The following DCAF4L1 variants were observed in gnomAD, a reference collection of about 807,000 sequenced individuals.
The protein encoded by DCAF4L1 is DDB1 and CUL4 associated factor 4 like 1.
DCAF4L1 carries 4 observed loss-of-function variants against 28.2 expected under a neutral mutation model. That is an observed-to-expected ratio of 0.14 (90% CI 0.07 to 0.33). The LOEUF (loss-of-function observed/expected upper bound fraction) is 0.33, where lower values mean the gene tolerates loss of function less well. Among genes scored for constraint, DCAF4L1 ranks in the 10% least tolerant of loss-of-function variants. The pLI, the probability that DCAF4L1 is intolerant of heterozygous loss-of-function variation, is 1.00. For missense variants in DCAF4L1, 331 were observed against 506.1 expected, an observed-to-expected ratio of 0.65 and a Z score of 3.32; for synonymous variants, 252 against 212.1, an observed-to-expected ratio of 1.19 and a Z score of -1.63.
rs771870555 is a variant in DCAF4L1, at chr4:41,982,227, C to T, written c.435C>T (p.Cys145=). ...AGTTGGACTCTCACGTTCTGCTGTGCTTCGAGGGAATCACAGATGCTCCAA... is the reference window on the plus strand; with the variant it reads ...AGTTGGACTCTCACGTTCTGCTGTGTTTCGAGGGAATCACAGATGCTCCAA... The part of the protein sequence containing the change: ...LNQLDSHVLL[C]FEGITDAPSC... The change falls in exon 1 of 1, where the codon TGC becomes TGT. Residue 145 remains cysteine, a synonymous_variant. Transcript: ENST00000333141. This position sits in a 1 kb window ranked among gnomAD's most constrained non-coding sequence, Gnocchi z 4.4. 1.2e-6 allele frequency: 2 copies of T among 1,614,254 alleles called. No individual in the cohort carries two copies. Among genetic ancestry groups the T allele is most frequent in the Non-Finnish European group, 8.5e-7 (1 of 1,180,048 alleles).
chr4:41,982,671 G>C lies in DCAF4L1; in HGVS notation c.879G>C (p.Lys293Asn). ...QCLMASDMTGKIKLWDLRATK... is the reference protein window; with the variant it reads ...QCLMASDMTGNIKLWDLRATK... ...TGATGGCATCAGACATGACTGGAAA[G>C]ATCAAGCTGTGGGATCTGAGGGCCA... The change falls in exon 1 of 1, where the codon AAG becomes AAC. Residue 293 changes from lysine (K) to asparagine (N), a missense_variant. Transcript: ENST00000333141. The surrounding 1 kb of genome is among the most constrained non-coding windows in gnomAD (Gnocchi z 4.4). 6.2e-7 allele frequency: 1 copy of C among 1,614,258 alleles called. No individual in the cohort carries two copies. Among genetic ancestry groups the C allele is most frequent in the Non-Finnish European group, 8.5e-7 (1 of 1,180,042 alleles).
In DCAF4L1 at chr4:41,983,011, T is replaced by A; in HGVS notation, c.*28T>A. 6.4e-7 allele frequency: 1 copy of A among 1,556,490 alleles called. No individual in the cohort carries two copies. Among genetic ancestry groups the A allele is most frequent in the Non-Finnish European group, 8.7e-7 (1 of 1,148,258 alleles). The stretch of plus-strand genomic sequence containing the variant: ...CTGCAGGTGGCAGCGCGGCCGAATG[T>A]GGATTTGACTTAAGGAAGTTAAGAG... On this transcript the variant is annotated 3_prime_UTR_variant, in exon 1 of 1. Transcript: ENST00000333141.
Position 41,985,352 on chromosome 4 carries a change from A to C in DCAF4L1, c.*2369A>C, listed in dbSNP as rs943591858. 2 of 167,102 alleles carry C rather than the reference A, an allele frequency of 1.2e-5. No individual in the cohort carries two copies. Among genetic ancestry groups the C allele is most frequent in the Admixed American group, 6.5e-5 (1 of 15,292 alleles). The allele number at this position is 167,102 out of a possible 1,614,324, so 10.4% of individuals were successfully genotyped here. On this transcript the variant is annotated 3_prime_UTR_variant, in exon 1 of 1. Transcript: ENST00000333141. ...ACTTCTTTTATTGTCAAGGAAATGC[A>C]AATTAAAACCACAATGCCACACCAC...
At position 41,982,982 on chromosome 4, in the gene DCAF4L1, A is replaced by G. The variant is rs145539329; in HGVS notation, c.1190A>G (p.Ter397=). The G allele has an allele frequency of 6.3e-7, 1 of 1,597,306 alleles. No homozygotes were observed. The highest frequency in any genetic ancestry group is 8.5e-7 in the Non-Finnish European group (1 of 1,171,640). ...GACCTTTATTGTTTCCCCTTCAGCT[A>G]ATTCTGCAGGTGGCAGCGCGGCCGA... ...RQDLYCFPFS[*] The change falls in exon 1 of 1, where the codon TAA becomes TGA. Residue 397 remains the stop codon, a stop_retained_variant. Transcript: ENST00000333141. The surrounding 1 kb of genome is among the most constrained non-coding windows in gnomAD (Gnocchi z 4.4).
In DCAF4L1 at chr4:41,982,878, C is replaced by T. The variant is rs370616743; in HGVS notation, c.1086C>T (p.Asp362=). Residue 362 remains aspartate, a synonymous_variant, in exon 1 of 1, where the codon GAC becomes GAT. Transcript: ENST00000333141. The surrounding 1 kb of genome is among the most constrained non-coding windows in gnomAD (Gnocchi z 4.4). ...CCCCGTACTCTGCCTCCGAGGACGA[C>T]ATTCCCAGCGTGGCCTTCGCTTCTC... ...IPSPYSASED[D]IPSVAFASRL... is the part of the protein sequence containing the mutation. The T allele has an allele frequency of 3.3e-5, 54 of 1,614,080 alleles. No individual in the cohort carries two copies. The South Asian group carries it at 5.8e-4, about 17-fold the overall frequency.
At position 41,982,050 on chromosome 4, in the gene DCAF4L1, C is replaced by G. The variant is rs1713999604; in HGVS notation, c.258C>G (p.Leu86=). 1 of 1,614,258 alleles carries G rather than the reference C, an allele frequency of 6.2e-7. No individual in the cohort carries two copies. The highest frequency in any genetic ancestry group is 2.2e-5 in the East Asian group (1 of 44,884). The stretch of plus-strand genomic sequence containing the variant: ...TGGCGAGTACCAACAGCGACCAGCT[C>G]TTCGTAGTGAACCAGGTCGAAGTCG... ...FILASTNSDQ[L]FVVNQVEVEG... is the part of the protein sequence containing the mutation. The change falls in exon 1 of 1, where the codon CTC becomes CTG. Residue 86 remains leucine (L), a synonymous_variant. Coordinates refer to ENST00000333141, the MANE Select transcript of DCAF4L1 (RefSeq NM_001029955.4). The surrounding 1 kb of genome is among the most constrained non-coding windows in gnomAD (Gnocchi z 4.4).
Position 41,982,932 on chromosome 4 carries a change from A to G in DCAF4L1, c.1140A>G (p.Pro380=). 1 of 1,614,016 alleles carries G rather than the reference A, an allele frequency of 6.2e-7. No homozygotes were observed. Among genetic ancestry groups the G allele is most frequent in the Non-Finnish European group, 8.5e-7 (1 of 1,179,964 alleles). The change falls in exon 1 of 1, where the codon CCA becomes CCG. Residue 380 remains proline (P), a synonymous_variant. Coordinates refer to ENST00000333141, the MANE Select transcript of DCAF4L1 (RefSeq NM_001029955.4). The surrounding 1 kb of genome is among the most constrained non-coding windows in gnomAD (Gnocchi z 4.4). ...SRLGGIRGAA[P]GLLMAVRQDL... is the part of the protein sequence containing the mutation. ...TCGGGGGCATCCGGGGAGCAGCACCAGGGCTGCTCATGGCTGTCCGGCAGG... is the reference window on the plus strand; with the variant it reads ...TCGGGGGCATCCGGGGAGCAGCACCGGGGCTGCTCATGGCTGTCCGGCAGG...
chr4:41,981,908 T>G lies in DCAF4L1; in HGVS notation c.116T>G (p.Val39Gly). The part of the protein sequence containing the change: ...LRKSQLGFLN[V>G]TSYSRLANEL... ...AAAAGCCAGCTAGGTTTCCTCAACG[T>G]CACCAGTTACTCCCGTTTAGCCAAC... is the stretch of plus-strand genomic sequence containing the variant. Residue 39 changes from valine to glycine, a missense_variant, in exon 1 of 1, where the codon GTC becomes GGC. Physicochemically the swap from Val to Gly is moderately radical, Grantham distance 109. Transcript: ENST00000333141. 6.2e-7 allele frequency: 1 copy of G among 1,614,242 alleles called. No individual in the cohort carries two copies. The highest frequency in any genetic ancestry group is 8.5e-7 in the Non-Finnish European group (1 of 1,180,042).
In DCAF4L1 at chr4:41,984,621, G is replaced by A. The variant is rs1012794134; in HGVS notation, c.*1638G>A. On this transcript the variant is annotated 3_prime_UTR_variant, in exon 1 of 1. Transcript: ENST00000333141. Reference sequence around the variant, plus strand: ...TGAGGAGAAAAAACTTTAGGTGAAGGGAATGATGCTGAGTTTTAGACATCT... The same window carrying A: ...TGAGGAGAAAAAACTTTAGGTGAAGAGAATGATGCTGAGTTTTAGACATCT... 6 of 166,840 alleles carry A rather than the reference G, an allele frequency of 3.6e-5. No homozygotes were observed. The highest frequency in any genetic ancestry group is 1.5e-4 in the African/African-American group (6 of 41,360). 10.3% of individuals were successfully genotyped at this position (166,840 alleles called of 1,614,324 possible).
rs1359643241 is a variant in DCAF4L1, at chr4:41,982,648, A to C, written c.856A>C (p.Met286Leu). Residue 286 changes from methionine to leucine, a missense_variant, in exon 1 of 1, where the codon ATG becomes CTG. By Grantham distance (15) the Met-to-Leu change is conservative. Coordinates refer to ENST00000333141, the MANE Select transcript of DCAF4L1 (RefSeq NM_001029955.4). This position sits in a 1 kb window ranked among gnomAD's most constrained non-coding sequence, Gnocchi z 4.4. ...AATCCTCCAAGAAGAGCAATGCCTG[A>C]TGGCATCAGACATGACTGGAAAGAT... The part of the protein sequence containing the change: ...VQILQEEQCL[M>L]ASDMTGKIKL... 1 of 1,614,248 alleles carries C rather than the reference A, an allele frequency of 6.2e-7. No homozygotes were observed. Among genetic ancestry groups the C allele is most frequent in the East Asian group, 2.2e-5 (1 of 44,892 alleles).
chr4:41,983,100 C>A lies in DCAF4L1; in HGVS notation c.*117C>A. The A allele has an allele frequency of 2.3e-6, 2 of 888,036 alleles. No homozygotes were observed. Among genetic ancestry groups the A allele is most frequent in the African/African-American group, 1.7e-5 (1 of 59,234 alleles). 55.0% of individuals were successfully genotyped at this position (888,036 alleles called of 1,614,324 possible). A position where few individuals can be genotyped will look rare whatever the true frequency, so the allele number is the denominator to read the frequency against. ...GTGTTGTATATAGATCGCATCCATC[C>A]GGCTGCCAGGGGTAAGGTGTTAAGA... is the stretch of plus-strand genomic sequence containing the variant. On this transcript the variant is annotated 3_prime_UTR_variant, in exon 1 of 1. Transcript: ENST00000333141.
In DCAF4L1 at chr4:41,982,591, C is replaced by T; in HGVS notation, c.799C>T (p.Leu267=). The change falls in exon 1 of 1, where the codon CTG becomes TTG. Residue 267 remains leucine (L), a synonymous_variant. Transcript: ENST00000333141. This position sits in a 1 kb window ranked among gnomAD's most constrained non-coding sequence, Gnocchi z 4.4. The stretch of plus-strand genomic sequence containing the variant: ...AGGCAAGGGGTGGAGGGCCACTCGC[C>T]TGTTCCATGACTCAGCAGTGACCTC... ...NRGKGWRATR[L]FHDSAVTSVQ... 1.2e-6 allele frequency: 2 copies of T among 1,614,222 alleles called. No homozygotes were observed. Among genetic ancestry groups the T allele is most frequent in the Non-Finnish European group, 1.7e-6 (2 of 1,180,042 alleles).
Position 41,983,186 on chromosome 4 carries a change from G to A in DCAF4L1, c.*203G>A, listed in dbSNP as rs1714046231. On this transcript the variant is annotated 3_prime_UTR_variant, in exon 1 of 1. Coordinates refer to ENST00000333141, the MANE Select transcript of DCAF4L1 (RefSeq NM_001029955.4). Reference sequence around the variant, plus strand: ...GTTAAACTGTGGACTTAACTTGAAAGTCCTTTTCATAAAAGGTACCTGTTT... The same window carrying A: ...GTTAAACTGTGGACTTAACTTGAAAATCCTTTTCATAAAAGGTACCTGTTT... The A allele has an allele frequency of 1.1e-5, 6 of 550,916 alleles. No individual in the cohort carries two copies. 34.1% of individuals were successfully genotyped at this position (550,916 alleles called of 1,614,324 possible). A position where few individuals can be genotyped will look rare whatever the true frequency, so the allele number is the denominator to read the frequency against.
In DCAF4L1 at chr4:41,982,638, G is replaced by A; in HGVS notation, c.846G>A (p.Glu282=). Residue 282 remains glutamate, a synonymous_variant, in exon 1 of 1, where the codon GAG becomes GAA. Transcript: ENST00000333141. The surrounding 1 kb of genome is among the most constrained non-coding windows in gnomAD (Gnocchi z 4.4). ...CCTCTGTGCAAATCCTCCAAGAAGA[G>A]CAATGCCTGATGGCATCAGACATGA... is the stretch of plus-strand genomic sequence containing the variant. ...AVTSVQILQE[E]QCLMASDMTG... 2.5e-6 allele frequency: 4 copies of A among 1,614,256 alleles called. No homozygotes were observed. The South Asian group carries it at 4.4e-5, about 18-fold the overall frequency.
At position 41,984,776 on chromosome 4, in the gene DCAF4L1, G is replaced by A. The variant is rs567628561; in HGVS notation, c.*1793G>A. 4.8e-5 allele frequency: 8 copies of A among 167,168 alleles called. No homozygotes were observed. In the South Asian group the frequency reaches 1.7e-3, roughly 35 times the overall value. 10.4% of individuals were successfully genotyped at this position (167,168 alleles called of 1,614,324 possible). On this transcript the variant is annotated 3_prime_UTR_variant, in exon 1 of 1. Coordinates refer to ENST00000333141, the MANE Select transcript of DCAF4L1 (RefSeq NM_001029955.4). ...GGATAGATGTGCTTTATATGACATA[G>A]ATGAGGTTAATGTAATTACATATTG...
In DCAF4L1 at chr4:41,982,760, A is replaced by G; in HGVS notation, c.968A>G (p.His323Arg). 1 of 1,614,238 alleles carries G rather than the reference A, an allele frequency of 6.2e-7. No homozygotes were observed. The highest frequency in any genetic ancestry group is 8.5e-7 in the Non-Finnish European group (1 of 1,180,038). ...TCCGCCTATCTGCCCCTGCATGTGC[A>G]CGAGGAAGAGGGAATCGTGGTGGCA... ...NESAYLPLHV[H>R]EEEGIVVAVG... Residue 323 changes from histidine to arginine, a missense_variant, in exon 1 of 1, where the codon CAC (histidine) becomes CGC (arginine). Coordinates refer to ENST00000333141, the MANE Select transcript of DCAF4L1 (RefSeq NM_001029955.4). The surrounding 1 kb of genome is among the most constrained non-coding windows in gnomAD (Gnocchi z 4.4).
In DCAF4L1 at chr4:41,983,591, T is replaced by A. The variant is rs1714060764; in HGVS notation, c.*608T>A. ...CATAGGCATTGGAAGGAAAGATGGA[T>A]CTTTTTAAATACTAGAAGTTTTAAA... is the stretch of plus-strand genomic sequence containing the variant. On this transcript the variant is annotated 3_prime_UTR_variant, in exon 1 of 1. Coordinates refer to ENST00000333141, the MANE Select transcript of DCAF4L1 (RefSeq NM_001029955.4). The A allele has an allele frequency of 6.0e-6, 1 of 167,178 alleles. No homozygotes were observed. The highest frequency in any genetic ancestry group is 2.4e-5 in the African/African-American group (1 of 41,468). 10.4% of individuals were successfully genotyped at this position (167,178 alleles called of 1,614,324 possible).
At position 41,982,018 on chromosome 4, in the gene DCAF4L1, T is replaced by C. The variant is rs1341917485; in HGVS notation, c.226T>C (p.Phe76Leu). The C allele has an allele frequency of 1.9e-6, 3 of 1,614,236 alleles. No homozygotes were observed. Among genetic ancestry groups the C allele is most frequent in the East Asian group, 4.5e-5 (2 of 44,882 alleles). Residue 76 changes from phenylalanine (F) to leucine (L), a missense_variant, in exon 1 of 1, where the codon TTC becomes CTC. Physicochemically the swap from Phe to Leu is conservative, Grantham distance 22. Coordinates refer to ENST00000333141, the MANE Select transcript of DCAF4L1 (RefSeq NM_001029955.4). This position sits in a 1 kb window ranked among gnomAD's most constrained non-coding sequence, Gnocchi z 4.4. ...CTCTTTGGCGAGCGACCGATTTAACTTCATTCTGGCGAGTACCAACAGCGA... is the reference window on the plus strand; with the variant it reads ...CTCTTTGGCGAGCGACCGATTTAACCTCATTCTGGCGAGTACCAACAGCGA... ...PSSLASDRFN[F>L]ILASTNSDQL...
chr4:41,982,103 T>C lies in DCAF4L1; in HGVS notation c.311T>C (p.Leu104Pro). ...GGCTCCAAGTACGGCATCATCAGCC[T>C]GCGAACTCTGAAGATCCCTTCGTTC... ...VEGSKYGIIS[L>P]RTLKIPSFHV... The change falls in exon 1 of 1, where the codon CTG (leucine) becomes CCG (proline). Residue 104 changes from leucine (L) to proline (P), a missense_variant. Physicochemically the swap from Leu to Pro is moderately conservative, Grantham distance 98. Transcript: ENST00000333141. This position sits in a 1 kb window ranked among gnomAD's most constrained non-coding sequence, Gnocchi z 4.4. 6.2e-7 allele frequency: 1 copy of C among 1,614,202 alleles called. No individual in the cohort carries two copies. Among genetic ancestry groups the C allele is most frequent in the Non-Finnish European group, 8.5e-7 (1 of 1,180,040 alleles).
Sources: gnomAD v4.1 joint callset for allele counts on GRCh38, gnomAD v4.1.1 for gene constraint, Gnocchi (gnomAD v3.1) non-coding constraint, MANE v1.5 for transcripts, NCBI Gene and HGNC (gene_info 2026-07-23, HGNC 2026-07-21) for gene names.